Variants in PCDHA1 observed in about 807,000 individuals in gnomAD.
PCDHA1 encodes the protein protocadherin alpha-1.
In PCDHA1, 42 loss-of-function variants were observed where a neutral mutation model predicts 61.3. That is an observed-to-expected ratio of 0.69 (90% CI 0.54 to 0.89). PCDHA1 has a LOEUF of 0.89. Among genes scored for constraint, PCDHA1 ranks in the 40% least tolerant of loss-of-function variants. The pLI, the probability that PCDHA1 is intolerant of heterozygous loss-of-function variation, is 0.00. For missense variants in PCDHA1, 1,256 were observed against 1,235.3 expected (o/e 1.02, Z -0.25); for synonymous variants, 610 against 553.8 (o/e 1.10, Z -1.43).
intron 1 of PCDHA1, chr5:140,930,248 C>T (rs2086692121): frequency 1.3e-5 from 2 of 152,178 alleles, no homozygotes; most frequent in South Asian, 4.1e-4. Flanking sequence ...GTCCATTCAA[C>T]TTGGATTTAA....
chr5:140,875,818 G>T (rs2055839936), intron 1 of PCDHA1: 1 of 1,614,100 alleles, frequency 6.2e-7, no homozygotes, highest in East Asian at 2.2e-5. Flanking sequence ...GCCGCTGCAG[G>T]TTTTCCATGT....
At chr5:140,809,279 G>T in intron 1 of PCDHA1, 1 of 1,614,106 alleles carries the variant, frequency 6.2e-7, no homozygotes, top group Non-Finnish European at 8.5e-7. Flanking sequence ...GGATGTCAAC[G>T]TATACCTGAT....
intron 1 of PCDHA1, chr5:140,835,465 A>G: frequency 6.2e-7 from 1 of 1,613,920 alleles, no homozygotes; most frequent in Non-Finnish European, 8.5e-7. Context: ...CCTATTCCAG[A>G]GGACGCCCAA....
intron 3 of PCDHA1, among the ~76,000 whole-genome samples, chr5:141,003,942 G>C (rs1054043476): frequency 2.0e-5 from 3 of 152,148 alleles, no homozygotes; most frequent in Non-Finnish European, 2.9e-5. Flanking sequence ...TTGCCTGAGG[G>C]TGAGCTAGGA....
intron 1 of PCDHA1, among the ~76,000 whole-genome samples, chr5:140,895,055 A>T (rs1313066261): frequency 2.0e-5 from 3 of 152,118 alleles, no homozygotes; most frequent in Non-Finnish European, 4.4e-5. Flanking sequence ...ATTCTGCTTC[A>T]TATGGACTCA....
At chr5:140,869,729 A>G (rs1554163384) in intron 1 of PCDHA1, 3 of 1,613,398 alleles carry the variant, frequency 1.9e-6, no homozygotes, top group Admixed American at 3.3e-5. Flanking sequence ...CCGGAACTTA[A>G]TTTGCTGCTA....
chr5:140,794,989 C>T (rs1761900990), intron 1 of PCDHA1: 1 of 1,613,172 alleles, frequency 6.2e-7, no homozygotes, highest in Non-Finnish European at 8.5e-7. Context: ...CAGAAGGGGC[C>T]GAGGGGCCTG....
intron 1 of PCDHA1, chr5:140,968,646 C>T (rs2153772882): frequency 6.2e-7 from 1 of 1,614,216 alleles, no homozygotes; most frequent in Non-Finnish European, 8.5e-7. Context: ...CTAGCCCAGA[C>T]TTCTGACCTG....
intron 3 of PCDHA1, among the ~76,000 whole-genome samples, chr5:140,997,720 G>A (rs973128921): frequency 3.3e-5 from 5 of 151,568 alleles, no homozygotes; most frequent in East Asian, 1.9e-4. Context: ...ACCTTTCTAC[G>A]TCAGTACATA....
intron 1 of PCDHA1, chr5:140,824,044 G>T: frequency 6.2e-7 from 1 of 1,614,184 alleles, no homozygotes; most frequent in Middle Eastern, 1.6e-4. Flanking sequence ...GAGACAGAGG[G>T]TGTGCTCTGG....
At chr5:140,882,127 C>G in intron 1 of PCDHA1, 2 of 1,464,686 alleles carry the variant, frequency 1.4e-6, no homozygotes. Flanking sequence ...TTTCTTTCTT[C>G]CTGCAGAAAA....
intron 3 of PCDHA1, among the ~76,000 whole-genome samples, chr5:140,989,714 A>T (rs2097355942): frequency 6.6e-6 from 1 of 152,202 alleles, no homozygotes; most frequent in Non-Finnish European, 1.5e-5. Context: ...AGAGGCAGTC[A>T]GCTTTGCAGT....
chr5:140,912,918 G>A (rs1302662045), intron 1 of PCDHA1, among the ~76,000 whole-genome samples: 16 of 152,284 alleles, frequency 1.1e-4, no homozygotes, highest in Middle Eastern at 3.4e-3. Flanking sequence ...ATTGATTTGT[G>A]TATGTTGAAT....
intron 1 of PCDHA1, among the ~76,000 whole-genome samples, chr5:140,832,323 T>G (rs1483891932): frequency 6.6e-6 from 1 of 152,208 alleles, no homozygotes; most frequent in Non-Finnish European, 1.5e-5. Context: ...TTAAGGGCCA[T>G]TAGAGGACTG....
chr5:140,802,127 C>T (rs868926378), intron 1 of PCDHA1: 1 of 1,614,136 alleles, frequency 6.2e-7, no homozygotes, highest in Non-Finnish European at 8.5e-7. Context: ...ACATAGATTT[C>T]GAGGAAAGTA....
At position 140,858,014 on chromosome 5, in the gene PCDHA1, C is replaced by T. The variant is rs782738271; in HGVS notation, c.2394+69330C>T. 5 of 1,596,754 alleles carry T rather than the reference C, an allele frequency of 3.1e-6. No homozygotes were observed. Among genetic ancestry groups the T allele is most frequent in the African/African-American group, 1.3e-5 (1 of 74,296 alleles). ...GGTGCTGGTGAAGGACCATGGCGAG[C>T]CGTCGCTGACGGCCACGGCCACTGT... On this transcript the variant is annotated intron_variant, in intron 1 of 3. Coordinates refer to ENST00000504120, the MANE Select transcript of PCDHA1 (RefSeq NM_018900.4).
At chr5:140,898,870 C>T (rs1477095887) in intron 1 of PCDHA1, among the ~76,000 whole-genome samples, 3 of 151,586 alleles carry the variant, frequency 2.0e-5, no homozygotes, top group South Asian at 4.2e-4. Context: ...TTTCATTGAG[C>T]AGTGGTTTGT....
intron 1 of PCDHA1, chr5:140,816,177 G>A (rs1429127020): frequency 1.3e-5 from 2 of 152,054 alleles, no homozygotes; most frequent in African/African-American, 4.8e-5. Context: ...AATTTCTTAG[G>A]CTTTCTTTAC....
At chr5:140,873,204 T>TAAAAG (rs2054159059) in intron 1 of PCDHA1, among the ~76,000 whole-genome samples, 1 of 152,168 alleles carries the variant, frequency 6.6e-6, no homozygotes, top group Non-Finnish European at 1.5e-5. Flanking sequence ...AAAACATTCT[T>TAAAAG]TAAGTATTAA....
Sources: allele counts gnomAD v4.1 joint callset (sites outside exome capture counted in the v4.1 genomes callset), GRCh38; gene constraint gnomAD v4.1.1; transcripts MANE v1.5; gene names NCBI Gene and HGNC (gene_info 2026-07-23, HGNC 2026-07-21).